Variants in ARMC9 observed in about 807,000 individuals in gnomAD.
ARMC9 encodes lisH domain-containing protein ARMC9.
In ARMC9, 94 loss-of-function variants were observed where a neutral mutation model predicts 107.0. That is an observed-to-expected ratio of 0.88 (90% confidence interval 0.74 to 1.04). ARMC9 has a LOEUF of 1.04. Ranked by LOEUF, ARMC9 falls within the 50% of genes least tolerant of loss-of-function variation. ARMC9 has a pLI of 0.00. For missense variants in ARMC9, 942 were observed against 1,030.1 expected (o/e 0.91, Z 1.17); for synonymous variants, 380 against 396.9 (o/e 0.96, Z 0.51).
At chr2:231,357,141 A>G (rs1003346521) in intron 22 of ARMC9, among the ~76,000 whole-genome samples, 4 of 152,192 alleles carry the variant, frequency 2.6e-5, no homozygotes, top group African/African-American at 9.7e-5. Flanking sequence ...TGTTGTTTTC[A>G]AGAACAGTTT....
At chr2:231,295,451 A>G (rs1440465892) in intron 18 of ARMC9, 1 of 152,488 alleles carries the variant, frequency 6.6e-6, no homozygotes, top group Non-Finnish European at 1.5e-5. Context: ...GAAAGTACCA[A>G]CACCTCTGCA....
intron 17 of ARMC9, 141 bp downstream of exon 17, chr2:231,282,274 A>G: frequency 1.2e-6 from 1 of 807,280 alleles, no homozygotes; most frequent in African/African-American, 1.7e-5. Flanking sequence ...TAAAATGTAT[A>G]TTTGCCATTT....
At chr2:231,277,753 G>T (rs750225685) in intron 15 of ARMC9, among the ~76,000 whole-genome samples, 3 of 151,758 alleles carry the variant, frequency 2.0e-5, no homozygotes, top group Non-Finnish European at 4.4e-5. Context: ...AGTAGGGAGG[G>T]GGTTTTACCA....
chr2:231,240,683 C>T (rs1170218210), intron 9 of ARMC9, among the ~76,000 whole-genome samples: 1 of 152,156 alleles, frequency 6.6e-6, no homozygotes, highest in Non-Finnish European at 1.5e-5. Flanking sequence ...GTAAATTTAA[C>T]ATTGATACAG....
At chr2:231,272,317 C>T (rs955855933) in intron 13 of ARMC9, among the ~76,000 whole-genome samples, 2 of 151,400 alleles carry the variant, frequency 1.3e-5, no homozygotes, top group Non-Finnish European at 2.9e-5. Context: ...CCTCAGCCCC[C>T]CAATTAGCGG....
At chr2:231,272,328 G>T (rs540345694) in intron 13 of ARMC9, among the ~76,000 whole-genome samples, 2 of 151,698 alleles carry the variant, frequency 1.3e-5, no homozygotes, top group South Asian at 4.2e-4. Flanking sequence ...CAATTAGCGG[G>T]ATCAACAGGT....
At chr2:231,284,546 C>T (rs1344932266) in intron 17 of ARMC9, among the ~76,000 whole-genome samples, 2 of 152,226 alleles carry the variant, frequency 1.3e-5, no homozygotes, top group African/African-American at 4.8e-5. Flanking sequence ...ATTTTCTTCC[C>T]CCTTGGGCCT....
intron 19 of ARMC9, among the ~76,000 whole-genome samples, chr2:231,309,301 A>G (rs1167792055): frequency 6.6e-6 from 1 of 152,112 alleles, no homozygotes; most frequent in African/African-American, 2.4e-5. Context: ...TATTTGTCCA[A>G]CATCGGTTGC....
At chr2:231,225,090 T>C (rs2034513451) in intron 6 of ARMC9, among the ~76,000 whole-genome samples, 1 of 152,234 alleles carries the variant, frequency 6.6e-6, no homozygotes, top group Non-Finnish European at 1.5e-5. Flanking sequence ...TACTTCCTGA[T>C]TATAAAATCA....
intron 19 of ARMC9, among the ~76,000 whole-genome samples, chr2:231,320,721 A>G (rs1474697627): frequency 6.6e-6 from 1 of 152,146 alleles, no homozygotes; most frequent in Admixed American, 6.5e-5. Context: ...AATCCCTGGT[A>G]GGCATCTTAT....
intron 16 of ARMC9, among the ~76,000 whole-genome samples, chr2:231,281,432 T>C (rs2040210929): frequency 6.6e-6 from 1 of 152,078 alleles, no homozygotes; most frequent in Non-Finnish European, 1.5e-5. Flanking sequence ...GGTCATGAGA[T>C]AGAGGCCACC....
Position 231,259,067 on chromosome 2 carries a change from C to G in ARMC9, c.991C>G (p.Arg331Gly), listed in dbSNP as rs376952620. Residue 331 changes from arginine to glycine, a missense_variant, in exon 11 of 25, where the codon CGC (arginine) becomes GGC (glycine). By Grantham distance (125) the Arg-to-Gly change is moderately radical (BLOSUM62 -2). Coordinates refer to ENST00000611582, the MANE Select transcript of ARMC9 (RefSeq NM_001352754.2). ...GAAGGATTTGATTTTGGGGAGTGAC[C>G]GCTTGAAAGCCTTCTTGTTGCAGGC... is the stretch of plus-strand genomic sequence containing the variant. ...LKKDLILGSD[R>G]LKAFLLQALR... is the part of the protein sequence containing the mutation. 1.2e-6 allele frequency: 2 copies of G among 1,614,012 alleles called. No individual in the cohort carries two copies. The highest frequency in any genetic ancestry group is 4.5e-5 in the East Asian group (2 of 44,874).
chr2:231,205,799 A>G (rs1441608535), intron 1 of ARMC9, among the ~76,000 whole-genome samples: 3 of 152,192 alleles, frequency 2.0e-5, no homozygotes, highest in African/African-American at 7.2e-5. Context: ...GGGAGGATCT[A>G]TTCCTTGCCT....
At chr2:231,256,315 G>T (rs980845979) in intron 9 of ARMC9, 3 of 1,552,698 alleles carry the variant, frequency 1.9e-6, no homozygotes, top group Admixed American at 3.9e-5. Flanking sequence ...GAGCTTGCTT[G>T]CTCGCTGGGT....
intron 12 of ARMC9, among the ~76,000 whole-genome samples, chr2:231,262,739 A>G (rs752677877): frequency 1.3e-5 from 2 of 152,216 alleles, no homozygotes; most frequent in Non-Finnish European, 2.9e-5. Flanking sequence ...CAGGTTGTTT[A>G]CATCTGGGCC....
At chr2:231,258,887 C>G in intron 10 of ARMC9, 104 bp from the exon 11 acceptor site, 1 of 1,058,536 alleles carries the variant, frequency 9.4e-7, no homozygotes, top group Non-Finnish European at 1.4e-6. Context: ...GCTGGGAGCC[C>G]ATGGGAACAG....
chr2:231,369,319 G>A (rs556677870), intron 23 of ARMC9, among the ~76,000 whole-genome samples: 2 of 151,676 alleles, frequency 1.3e-5, no homozygotes, highest in Admixed American at 1.3e-4. Context: ...TTGAGACAGA[G>A]TCTCACTCTG....
At chr2:231,230,364 A>AT (rs1439295511) in intron 7 of ARMC9, among the ~76,000 whole-genome samples, 3 of 152,116 alleles carry the variant, frequency 2.0e-5, no homozygotes, top group Non-Finnish European at 2.9e-5. Flanking sequence ...AAAAAAAAAA[A>AT]GAAGAGGAAA....
rs887648227 is a variant in ARMC9 at position 231,359,971 on chromosome 2, G to T, written c.2132-783G>T. ...TGCTAAAATGAAAGAGCTGAGAGGA[G>T]CTTGGCCTAAGGGAGTCACGGATGC... On this transcript the variant is annotated intron_variant, in intron 22 of 24. Coordinates refer to ENST00000611582, the MANE Select transcript of ARMC9 (RefSeq NM_001352754.2). 2.6e-5 allele frequency among the ~76,000 whole-genome samples: 4 copies of T among 152,204 alleles called. No individual in the cohort carries two copies. The East Asian group carries it at 7.7e-4, about 29-fold the overall frequency.
Sources: gnomAD v4.1 joint callset for allele counts (sites outside exome capture counted in the v4.1 genomes callset) on GRCh38, gnomAD v4.1.1 for gene constraint, MANE v1.5 for transcripts, NCBI Gene and HGNC (gene_info 2026-07-23, HGNC 2026-07-21) for gene names.